Variants in PLXDC2 observed in about 807,000 individuals in gnomAD.
The protein encoded by PLXDC2 is plexin domain-containing protein 2.
Under a neutral mutation model 68.9 loss-of-function variants are expected in PLXDC2, and 40 were observed. That is an observed-to-expected ratio of 0.58 (90% CI 0.45 to 0.76). The LOEUF is 0.76. PLXDC2 is among the 30% of genes least tolerant of loss of function. The pLI, the probability that PLXDC2 is intolerant of heterozygous loss-of-function variation, is 0.00. For synonymous variants in PLXDC2, 243 were observed against 234.2 expected (o/e 1.04, Z -0.34); for missense variants, 644 against 661.9 (o/e 0.97, Z 0.30).
At chr10:19,823,401 C>CACTTTTT (rs1460104461) in intron 1 of PLXDC2, among the ~76,000 whole-genome samples, 1 of 151,896 alleles carries the variant, frequency 6.6e-6, no homozygotes, top group Non-Finnish European at 1.5e-5. Flanking sequence ...ATTGTCTCGG[C>CACTTTTT]TGGGCGTGGT....
intron 13 of PLXDC2, among the ~76,000 whole-genome samples, chr10:20,256,778 A>G (rs1835748324): frequency 6.6e-6 from 1 of 152,190 alleles, no homozygotes; most frequent in South Asian, 2.1e-4. Flanking sequence ...AATATGGAGA[A>G]AATTTGACGT....
At chr10:20,027,380 C>T (rs751768113) in intron 2 of PLXDC2, among the ~76,000 whole-genome samples, 8 of 152,112 alleles carry the variant, frequency 5.3e-5, no homozygotes, top group Non-Finnish European at 7.3e-5. Context: ...CTCTCCTTCT[C>T]ATTGTGAGGG....
At chr10:19,861,507 T>C (rs1463438579) in intron 1 of PLXDC2, among the ~76,000 whole-genome samples, 1 of 152,202 alleles carries the variant, frequency 6.6e-6, no homozygotes, top group Non-Finnish European at 1.5e-5. Context: ...CTGAACCCTT[T>C]AATTAGCACA....
At chr10:20,245,754 C>A (rs556156959) in intron 13 of PLXDC2, among the ~76,000 whole-genome samples, 1 of 152,114 alleles carries the variant, frequency 6.6e-6, no homozygotes, top group Non-Finnish European at 1.5e-5. Context: ...TTTCTAAGAT[C>A]TAAAAGAAAA....
At chr10:19,877,228 G>A (rs572244201) in intron 1 of PLXDC2, among the ~76,000 whole-genome samples, 33 of 151,708 alleles carry the variant, frequency 2.2e-4, no homozygotes, top group South Asian at 1.0e-3. Flanking sequence ...GAGATAGAAT[G>A]AGAAAGAGAG....
intron 13 of PLXDC2, among the ~76,000 whole-genome samples, chr10:20,262,176 T>A (rs1434904180): frequency 6.6e-6 from 1 of 152,060 alleles, no homozygotes; most frequent in Non-Finnish European, 1.5e-5. Flanking sequence ...AGCACGCTTC[T>A]CCCACAGATA....
At chr10:19,863,641 GACA>G in intron 1 of PLXDC2, among the ~76,000 whole-genome samples, 2 of 152,262 alleles carry the variant, frequency 1.3e-5, no homozygotes, top group South Asian at 2.1e-4. Context: ...AAAGAAACAT[GACA>G]TGCATGCCGT....
At chr10:20,009,162 A>C (rs1242872848) in intron 2 of PLXDC2, among the ~76,000 whole-genome samples, 3 of 152,196 alleles carry the variant, frequency 2.0e-5, no homozygotes, top group African/African-American at 4.8e-5. Flanking sequence ...ACATCATCCC[A>C]TTTCACAGAA....
chr10:19,824,405 T>C (rs1020940797), intron 1 of PLXDC2, among the ~76,000 whole-genome samples: 2 of 152,200 alleles, frequency 1.3e-5, no homozygotes, highest in African/African-American at 4.8e-5. Context: ...GTTTTGGAGA[T>C]GGGAAAAAAG....
intron 1 of PLXDC2, among the ~76,000 whole-genome samples, chr10:19,863,776 C>T (rs549491609): frequency 4.0e-5 from 6 of 151,320 alleles, no homozygotes; most frequent in African/African-American, 9.7e-5. Flanking sequence ...GAGTAAAAAC[C>T]GTTTTCTTTT....
At chr10:19,905,644 T>C (rs553994742) in intron 1 of PLXDC2, among the ~76,000 whole-genome samples, 9 of 152,292 alleles carry the variant, frequency 5.9e-5, no homozygotes, top group African/African-American at 1.9e-4. Context: ...CAGTCAGCCA[T>C]AGAAAATTCT....
At chr10:20,103,957 A>G (rs1049357558) in intron 4 of PLXDC2, among the ~76,000 whole-genome samples, 2 of 152,072 alleles carry the variant, frequency 1.3e-5, no homozygotes, top group African/African-American at 4.8e-5. Context: ...CATCTTTTAT[A>G]AGATATAATT....
intron 4 of PLXDC2, among the ~76,000 whole-genome samples, chr10:20,125,169 T>C (rs1833755712): frequency 1.3e-5 from 2 of 152,034 alleles, no homozygotes; most frequent in African/African-American, 2.4e-5. Flanking sequence ...CACACCTGTT[T>C]CCTAATATCC....
chr10:19,977,847 A>C (rs1261966520), intron 1 of PLXDC2, among the ~76,000 whole-genome samples: 1 of 152,130 alleles, frequency 6.6e-6, no homozygotes, highest in Admixed American at 6.5e-5. Context: ...TCACCTCCCA[A>C]AGGCCACACC....
At chr10:20,090,067 A>G (rs567740617) in intron 4 of PLXDC2, among the ~76,000 whole-genome samples, 1 of 152,260 alleles carries the variant, frequency 6.6e-6, no homozygotes, top group East Asian at 1.9e-4. Flanking sequence ...GCTCACCACA[A>G]ATGAAGCTGA....
At chr10:19,965,959 A>G (rs947348322) in intron 1 of PLXDC2, among the ~76,000 whole-genome samples, 1 of 152,104 alleles carries the variant, frequency 6.6e-6, no homozygotes, top group Admixed American at 6.6e-5. Context: ...TCTTTTAGGT[A>G]TCAGTAAAGT....
At chr10:20,250,647 G>C (rs945948394) in intron 13 of PLXDC2, among the ~76,000 whole-genome samples, 1 of 152,166 alleles carries the variant, frequency 6.6e-6, no homozygotes, top group African/African-American at 2.4e-5. Flanking sequence ...ACCAGGCTGT[G>C]CTGCCTCTGT....
intron 13 of PLXDC2, among the ~76,000 whole-genome samples, chr10:20,271,281 G>A (rs1321278202): frequency 6.6e-6 from 1 of 152,144 alleles, no homozygotes; most frequent in African/African-American, 2.4e-5. Flanking sequence ...AGAAGATGTT[G>A]ACAGCTAAGT....
At chr10:20,171,623 T>G (rs1372994382) in intron 7 of PLXDC2, among the ~76,000 whole-genome samples, 3 of 152,178 alleles carry the variant, frequency 2.0e-5, no homozygotes, top group Non-Finnish European at 4.4e-5. Context: ...TAAAAAAATC[T>G]AAAATTTTCT....
Sources: gnomAD v4.1 joint callset for allele counts (sites outside exome capture counted in the v4.1 genomes callset) on GRCh38, gnomAD v4.1.1 for gene constraint, MANE v1.5 for transcripts, NCBI Gene and HGNC (gene_info 2026-07-23, HGNC 2026-07-21) for gene names.